The following ZSWIM5 variants were observed in gnomAD, a reference collection of about 807,000 sequenced individuals.
ZSWIM5 encodes the protein zinc finger SWIM domain-containing protein 5.
A neutral mutation model predicts 119.6 loss-of-function variants in ZSWIM5; 55 were observed. The ratio of observed to expected loss-of-function variants is 0.46; its 90% confidence interval spans 0.37 to 0.58. The LOEUF is 0.58. Among genes scored for constraint, ZSWIM5 ranks in the 20% least tolerant of loss-of-function variants. The pLI is 0.00. For synonymous variants in ZSWIM5, 537 were observed against 606.9 expected (o/e 0.88, Z 1.69); for missense variants, 1,193 against 1,512.8 (o/e 0.79, Z 3.51).
intron 1 of ZSWIM5, among the ~76,000 whole-genome samples, chr1:45,137,357 T>C (rs1157710588): frequency 6.6e-6 from 1 of 152,152 alleles, no homozygotes; most frequent in Non-Finnish European, 1.5e-5. Context: ...TCCAAACAGA[T>C]TTTTAAAAAT....
intron 1 of ZSWIM5, among the ~76,000 whole-genome samples, chr1:45,110,892 A>G (rs891172324): frequency 7.9e-5 from 12 of 152,146 alleles, no homozygotes; most frequent in Admixed American, 2.6e-4. Flanking sequence ...GATGAATGTA[A>G]TATTCCAACA....
intron 1 of ZSWIM5, among the ~76,000 whole-genome samples, chr1:45,162,237 C>T (rs1018594592): frequency 1.3e-5 from 2 of 152,220 alleles, no homozygotes; most frequent in Non-Finnish European, 2.9e-5. Flanking sequence ...CGCCTGTAAT[C>T]CCAGCACTAT....
chr1:45,201,401 T>C (rs79416196), intron 1 of ZSWIM5, among the ~76,000 whole-genome samples: 3 of 152,314 alleles, frequency 2.0e-5, no homozygotes, highest in Middle Eastern at 3.4e-3. Flanking sequence ...CATTGATTTT[T>C]AAAAATTTTA....
intron 1 of ZSWIM5, among the ~76,000 whole-genome samples, chr1:45,155,189 GA>G (rs777773892): frequency 1.1e-3 from 173 of 150,450 alleles, no homozygotes; most frequent in African/African-American, 3.8e-3. Flanking sequence ...AAATTAGCAA[GA>G]AAAAAAAATC....
At chr1:45,043,187 C>A in intron 6 of ZSWIM5, 32 bp downstream of exon 6, 1 of 1,608,298 alleles carries the variant, frequency 6.2e-7, no homozygotes, top group Non-Finnish European at 8.5e-7. Flanking sequence ...GTGAGGGTGG[C>A]TCTAAAGTTC....
At position 45,116,072 on chromosome 1, in the gene ZSWIM5, G is replaced by C. The variant is rs192887184; in HGVS notation, c.596-27835C>G. 9.8e-3 allele frequency among the ~76,000 whole-genome samples: 1,497 copies of C among 152,120 alleles called. 8 individuals are homozygous for C. The highest frequency in any genetic ancestry group is 0.018 in the Non-Finnish European group (1,191 of 67,978). ...GATGGCGGCAGTACAGTCCAGCCTC[G>C]GCTGGGCATCAGAGGGAGACCATGG... On this transcript the variant is annotated intron_variant, in intron 1 of 13. Coordinates refer to ENST00000359600, the MANE Select transcript of ZSWIM5 (RefSeq NM_020883.2).
intron 1 of ZSWIM5, among the ~76,000 whole-genome samples, chr1:45,164,617 T>C (rs1401744509): frequency 2.0e-5 from 3 of 152,032 alleles, no homozygotes; most frequent in Non-Finnish European, 4.4e-5. Flanking sequence ...AATAAAGGGA[T>C]GGAGGAAGAT....
chr1:45,021,989 TC>T (rs1190654881), intron 11 of ZSWIM5, among the ~76,000 whole-genome samples: 1 of 140,786 alleles, frequency 7.1e-6, no homozygotes, highest in Non-Finnish European at 1.5e-5. Context: ...GCCACTGCAC[TC>T]CAGCCTGGGT....
intron 4 of ZSWIM5, among the ~76,000 whole-genome samples, chr1:45,052,129 C>A (rs923671035): frequency 6.6e-6 from 1 of 151,584 alleles, no homozygotes; most frequent in African/African-American, 2.4e-5. Flanking sequence ...CAGCGCCCCC[C>A]CTCGCACCCC....
intron 2 of ZSWIM5, among the ~76,000 whole-genome samples, chr1:45,083,980 G>A (rs1469189264): frequency 3.3e-5 from 5 of 152,094 alleles, no homozygotes; most frequent in East Asian, 1.9e-4. Context: ...TGCAATTTTG[G>A]TTCACTGCAA....
intron 2 of ZSWIM5, among the ~76,000 whole-genome samples, chr1:45,080,330 T>C (rs1645282504): frequency 6.6e-6 from 1 of 152,170 alleles, no homozygotes; most frequent in South Asian, 2.1e-4. Flanking sequence ...AATTCCTCTT[T>C]GGCTAGGGCT....
chr1:45,036,049 T>A lies in ZSWIM5; in HGVS notation c.2145A>T (p.Leu715Phe). The A allele has an allele frequency of 6.2e-7, 1 of 1,613,840 alleles. No individual in the cohort carries two copies. Among genetic ancestry groups the A allele is most frequent in the East Asian group, 2.2e-5 (1 of 44,876 alleles). ...LVQTLQKQCI[L>F]LLEGGPFSGL... ...CTCTTTTCTACTTACCTTCCAGCAG[T>A]AAGATGCATTGTTTTTGCAGTGTTT... The change falls in exon 9 of 14, where the codon TTA (leucine) becomes TTT (phenylalanine). Residue 715 changes from leucine to phenylalanine, a missense_variant. This residue lies in a region of ZSWIM5 where 961 missense variants were observed against 1,290.0 expected (regional missense o/e 0.74). Coordinates refer to ENST00000359600, the MANE Select transcript of ZSWIM5 (RefSeq NM_020883.2).
At chr1:45,106,916 C>T (rs1645483391) in intron 1 of ZSWIM5, among the ~76,000 whole-genome samples, 1 of 152,166 alleles carries the variant, frequency 6.6e-6, no homozygotes, top group Non-Finnish European at 1.5e-5. Flanking sequence ...AACCTTACCC[C>T]CAACCCCCTG....
At chr1:45,142,945 C>T (rs1032022494) in intron 1 of ZSWIM5, among the ~76,000 whole-genome samples, 2 of 149,144 alleles carry the variant, frequency 1.3e-5, no homozygotes, top group Non-Finnish European at 3.0e-5. Context: ...CCGAGGTGAG[C>T]GGGTCACACG....
chr1:45,206,357 G>GGACT lies in ZSWIM5; in HGVS notation c.-11_-8dup, dbSNP rs763831716. 4.6e-5 allele frequency: 66 copies of GGACT among 1,422,094 alleles called. No individual in the cohort carries two copies. The highest frequency in any genetic ancestry group is 5.9e-5 in the African/African-American group (4 of 67,508). The allele number at this position is 1,422,094 out of a possible 1,614,324, so 88.1% of individuals were successfully genotyped here. On this transcript the variant is annotated 5_prime_UTR_variant, in exon 1 of 14. Transcript: ENST00000359600. ...GCTCACCTCCGTCCGCCATTGCTGG[G>GGACT]GACTGACTGACTGACTGAGGCGGCG...
In ZSWIM5 at chr1:45,057,955, G is replaced by A. The variant is rs1270064844; in HGVS notation, c.1252+654C>T. Reference sequence around the variant, plus strand: ...TGTAGGGAATGAAAGAAAAATGAGTGCTTAGCAATAAGTTTGGTAAAGTAA... The same window carrying A: ...TGTAGGGAATGAAAGAAAAATGAGTACTTAGCAATAAGTTTGGTAAAGTAA... On this transcript the variant is annotated intron_variant, in intron 4 of 13. Coordinates refer to ENST00000359600, the MANE Select transcript of ZSWIM5 (RefSeq NM_020883.2). The surrounding 1 kb of genome is among the most constrained non-coding windows in gnomAD (Gnocchi z 4.7). Among the ~76,000 whole-genome samples the A allele has an allele frequency of 6.6e-6, 1 of 152,266 alleles. No individual in the cohort carries two copies. Among genetic ancestry groups the A allele is most frequent in the South Asian group, 2.1e-4 (1 of 4,822 alleles).
intron 1 of ZSWIM5, among the ~76,000 whole-genome samples, chr1:45,134,750 T>C (rs2149032074): frequency 6.6e-6 from 1 of 152,344 alleles, no homozygotes; most frequent in Admixed American, 6.5e-5. Flanking sequence ...AGAAATAGTC[T>C]CTAGCGGTCA....
intron 1 of ZSWIM5, among the ~76,000 whole-genome samples, chr1:45,129,153 GTTTT>G (rs869042927): frequency 0.021 from 1,471 of 69,860 alleles, 7 homozygotes; most frequent in African/African-American, 0.078. Flanking sequence ...CATACATCTT[GTTTT>G]TTTTTTTTTT....
chr1:45,134,860 C>T (rs1248984147), intron 1 of ZSWIM5, among the ~76,000 whole-genome samples: 1 of 152,144 alleles, frequency 6.6e-6, no homozygotes, highest in Non-Finnish European at 1.5e-5. Context: ...CTGGCTATTT[C>T]GCTTAGCACA....
Sources: allele counts gnomAD v4.1 joint callset (sites outside exome capture counted in the v4.1 genomes callset), GRCh38; gene constraint gnomAD v4.1.1; regional missense constraint gnomAD v4.1.1; non-coding constraint Gnocchi (gnomAD v3.1); transcripts MANE v1.5; gene names NCBI Gene and HGNC (gene_info 2026-07-23, HGNC 2026-07-21).